NWD2: variants seen among roughly 807,000 people sequenced by gnomAD.
The protein encoded by NWD2 is NACHT and WD repeat domain-containing protein 2.
In NWD2, 37 loss-of-function variants were observed where a neutral mutation model predicts 132.7. That is an observed-to-expected ratio of 0.28 (90% CI 0.21 to 0.37). The LOEUF is 0.37. Among genes scored for constraint, NWD2 ranks in the 10% least tolerant of loss-of-function variants. NWD2 has a pLI of 1.00. For synonymous variants in NWD2, 705 were observed against 803.0 expected (o/e 0.88, Z 2.06); for missense variants, 1,592 against 2,122.4 (o/e 0.75, Z 4.91).
At chr4:37,257,579 T>A (rs1717545460) in intron 1 of NWD2, among the ~76,000 whole-genome samples, 1 of 152,190 alleles carries the variant, frequency 6.6e-6, no homozygotes, top group Non-Finnish European at 1.5e-5. Flanking sequence ...CAGAATTTGT[T>A]AAAAGCTCTA....
chr4:37,329,508 G>C (rs1438846536), intron 2 of NWD2, among the ~76,000 whole-genome samples: 1 of 152,058 alleles, frequency 6.6e-6, no homozygotes, highest in Non-Finnish European at 1.5e-5. Context: ...AGGAATCCAG[G>C]CATAGGGAAC....
chr4:37,377,235 C>A (rs1720364731), intron 3 of NWD2, among the ~76,000 whole-genome samples: 1 of 152,184 alleles, frequency 6.6e-6, no homozygotes, highest in Admixed American at 6.5e-5. Flanking sequence ...GTAGCAACCC[C>A]ACAGCATTGC....
Position 37,428,756 on chromosome 4 carries a change from G to A in NWD2, c.358-1816G>A, listed in dbSNP as rs539088415. ...GTACCACTAATTTTTTTTTAAGATG[G>A]AGTCTCACTATGTTGCCCAGGCTGG... On this transcript the variant is annotated intron_variant, in intron 3 of 6. Transcript: ENST00000309447. 3.9e-5 allele frequency among the ~76,000 whole-genome samples: 6 copies of A among 152,244 alleles called. No individual in the cohort carries two copies. In the East Asian group the frequency reaches 9.7e-4, roughly 24 times the overall value.
chr4:37,357,804 G>A lies in NWD2; in HGVS notation c.357+1322G>A, dbSNP rs558203132. ...AAAGAAAAGAGAGAATACCAGCGAG[G>A]GGAGAGATTTGCTACTTAAGATAAA... is the stretch of plus-strand genomic sequence containing the variant. On this transcript the variant is annotated intron_variant, in intron 3 of 6. Coordinates refer to ENST00000309447, the MANE Select transcript of NWD2 (RefSeq NM_001144990.2). 5.9e-5 allele frequency among the ~76,000 whole-genome samples: 9 copies of A among 152,184 alleles called. 1 individual carries two copies. Among genetic ancestry groups the A allele is most frequent in the Middle Eastern group, 3.4e-3 (1 of 294 alleles).
chr4:37,376,034 CT>C (rs949678880), intron 3 of NWD2, among the ~76,000 whole-genome samples: 4 of 152,036 alleles, frequency 2.6e-5, no homozygotes, highest in African/African-American at 7.3e-5. Context: ...TAAACATTCC[CT>C]TTTTTTAGAC....
rs1381958942 is a variant in NWD2, at chr4:37,445,939, A to C, written c.3951A>C (p.Lys1317Asn). ...TAMSNIDKTG[K>N]PIQSLLLPAR... is the part of the protein sequence containing the mutation. The stretch of plus-strand genomic sequence containing the variant: ...TGTCCAACATAGATAAGACTGGAAA[A>C]CCCATCCAAAGTCTGTTGTTGCCTG... The change falls in exon 7 of 7, where the codon AAA becomes AAC. Residue 1317 changes from lysine (K) to asparagine (N), a missense_variant. Lys to Asn is a moderately conservative substitution (Grantham distance 94). This residue lies in a region of NWD2 where 1,071 missense variants were observed against 1,398.0 expected (regional missense o/e 0.77). Coordinates refer to ENST00000309447, the MANE Select transcript of NWD2 (RefSeq NM_001144990.2). This position sits in a 1 kb window ranked among gnomAD's most constrained non-coding sequence, Gnocchi z 4.7. The C allele has an allele frequency of 1.1e-5, 17 of 1,551,558 alleles. No individual in the cohort carries two copies. The highest frequency in any genetic ancestry group is 1.5e-5 in the Non-Finnish European group (17 of 1,147,002).
chr4:37,409,198 TAAC>T (rs1380193288), intron 3 of NWD2, among the ~76,000 whole-genome samples: 1 of 151,704 alleles, frequency 6.6e-6, no homozygotes, highest in African/African-American at 2.4e-5. Context: ...AGGTGGGTAA[TAAC>T]AAACTCCACC....
At chr4:37,336,740 A>G (rs1369418002) in intron 2 of NWD2, among the ~76,000 whole-genome samples, 3 of 152,104 alleles carry the variant, frequency 2.0e-5, no homozygotes, top group African/African-American at 7.2e-5. Context: ...GAAGTTCGAG[A>G]CCAGCCTGGC....
chr4:37,420,638 G>A lies in NWD2; in HGVS notation c.358-9934G>A, dbSNP rs188023864. On this transcript the variant is annotated intron_variant, in intron 3 of 6. Coordinates refer to ENST00000309447, the MANE Select transcript of NWD2 (RefSeq NM_001144990.2). The stretch of plus-strand genomic sequence containing the variant: ...GTGGAGGTTGCAGTGAGCTGAGATC[G>A]CACCACTGCCAGTCCAGTCTGGCGA... Among the ~76,000 whole-genome samples the A allele has an allele frequency of 3.2e-4, 48 of 152,278 alleles. No individual in the cohort carries two copies. The East Asian group carries it at 7.7e-3, about 24-fold the overall frequency.
intron 3 of NWD2, among the ~76,000 whole-genome samples, chr4:37,356,951 G>A (rs757032440): frequency 1.3e-5 from 2 of 152,166 alleles, no homozygotes; most frequent in Non-Finnish European, 2.9e-5. Flanking sequence ...ATGGTGCCCT[G>A]TGAAAATGTT....
intron 1 of NWD2, among the ~76,000 whole-genome samples, chr4:37,321,192 G>A (rs898151209): frequency 9.2e-5 from 14 of 152,094 alleles, no homozygotes; most frequent in Non-Finnish European, 1.6e-4. Flanking sequence ...TAAAGTCCAT[G>A]CCTTTAGTTT....
At chr4:37,288,658 G>A (rs951123575) in intron 1 of NWD2, among the ~76,000 whole-genome samples, 1 of 152,182 alleles carries the variant, frequency 6.6e-6, no homozygotes, top group African/African-American at 2.4e-5. Flanking sequence ...GAGAATTCAG[G>A]CTTCAGAATC....
Position 37,446,365 on chromosome 4 carries a change from G to A in NWD2, c.4377G>A (p.Val1459=). 2 of 1,551,882 alleles carry A rather than the reference G, an allele frequency of 1.3e-6. No homozygotes were observed. Among genetic ancestry groups the A allele is most frequent in the African/African-American group, 1.4e-5 (1 of 73,158 alleles). Residue 1459 remains valine, a synonymous_variant, in exon 7 of 7, where the codon GTG becomes GTA. Transcript: ENST00000309447. The surrounding 1 kb of genome is among the most constrained non-coding windows in gnomAD (Gnocchi z 6.7). Reference sequence around the variant, plus strand: ...TGGTGGGAATGACTAAAAGCAAAGTGTTGGCAGTCAGTCTTTGGACAGGAA... The same window carrying A: ...TGGTGGGAATGACTAAAAGCAAAGTATTGGCAGTCAGTCTTTGGACAGGAA... ...TFVVGMTKSK[V]LAVSLWTGSI... is the part of the protein sequence containing the mutation.
intron 3 of NWD2, among the ~76,000 whole-genome samples, chr4:37,396,925 C>T (rs750596700): frequency 4.6e-5 from 7 of 151,854 alleles, no homozygotes; most frequent in Non-Finnish European, 1.0e-4. Flanking sequence ...CCCAGCTACT[C>T]GGGAGGCTGA....
chr4:37,249,463 A>G (rs1717309421), intron 1 of NWD2, among the ~76,000 whole-genome samples: 1 of 152,056 alleles, frequency 6.6e-6, no homozygotes, highest in African/African-American at 2.4e-5. Flanking sequence ...AGCACAGACC[A>G]CTCTCCCTGG....
intron 3 of NWD2, among the ~76,000 whole-genome samples, chr4:37,423,515 A>G (rs1164311714): frequency 6.6e-6 from 1 of 152,200 alleles, no homozygotes; most frequent in Non-Finnish European, 1.5e-5. Context: ...CCAAAGAAAC[A>G]GGAGTGCCAA....
intron 3 of NWD2, among the ~76,000 whole-genome samples, chr4:37,377,841 T>C (rs2109307470): frequency 6.6e-6 from 1 of 152,338 alleles, no homozygotes; most frequent in African/African-American, 2.4e-5. Flanking sequence ...TTAATTTAAA[T>C]GTATTAGAAG....
In NWD2 at chr4:37,407,094, G is replaced by T. The variant is rs138699016; in HGVS notation, c.358-23478G>T. 3.5e-3 allele frequency among the ~76,000 whole-genome samples: 537 copies of T among 152,052 alleles called. 2 individuals are homozygous for T. The highest frequency in any genetic ancestry group is 0.012 in the African/African-American group (512 of 41,462). Reference sequence around the variant, plus strand: ...AGGGTGGGGGGCTAGGGGAAGGAGGGCATTAGAACAAATACCTAATGCATG... The same window carrying T: ...AGGGTGGGGGGCTAGGGGAAGGAGGTCATTAGAACAAATACCTAATGCATG... On this transcript the variant is annotated intron_variant, in intron 3 of 6. Transcript: ENST00000309447.
At chr4:37,255,238 G>A (rs983859102) in intron 1 of NWD2, among the ~76,000 whole-genome samples, 9 of 152,174 alleles carry the variant, frequency 5.9e-5, no homozygotes, top group African/African-American at 2.2e-4. Context: ...ACATTCAAAG[G>A]CTGATTGGAA....
Sources: allele counts gnomAD v4.1 joint callset (sites outside exome capture counted in the v4.1 genomes callset), GRCh38; gene constraint gnomAD v4.1.1; regional missense constraint gnomAD v4.1.1; non-coding constraint Gnocchi (gnomAD v3.1); transcripts MANE v1.5; gene names NCBI Gene and HGNC (gene_info 2026-07-23, HGNC 2026-07-21).